STT3B: variants seen among roughly 807,000 people sequenced by gnomAD.
The protein encoded by STT3B is dolichyl-diphosphooligosaccharide--protein glycosyltransferase subunit STT3B.
Under a neutral mutation model 96.8 loss-of-function variants are expected in STT3B, and 29 were observed. The observed-to-expected ratio is 0.30, with a 90% CI of 0.22 to 0.41. The LOEUF is 0.41. STT3B is among the 10% of genes least tolerant of loss of function. The pLI is 1.00. For missense variants in STT3B, 640 were observed against 1,022.3 expected, an observed-to-expected ratio of 0.63 and a Z score of 5.10; for synonymous variants, 367 against 360.0, an observed-to-expected ratio of 1.02 and a Z score of -0.22.
intron 6 of STT3B, among the ~76,000 whole-genome samples, chr3:31,615,910 T>A (rs1575442710): frequency 1.3e-5 from 2 of 151,938 alleles, no homozygotes; most frequent in South Asian, 4.1e-4. Flanking sequence ...TTTTGTATCA[T>A]GTTTTGTACT....
rs751562865 is a variant in STT3B at position 31,623,683 on chromosome 3, G to C, written c.1549G>C (p.Val517Leu). ...QGNLYDKAGK[V>L]RKHATEQEKT... Reference sequence around the variant, plus strand: ...TTTTTAATATCTTTAGGCAGGTAAAGTGAGGAAACATGCAACTGAACAGGA... The same window carrying C: ...TTTTTAATATCTTTAGGCAGGTAAACTGAGGAAACATGCAACTGAACAGGA... The change falls in exon 11 of 16, where the codon GTG (valine) becomes CTG (leucine). Residue 517 changes from valine (V) to leucine (L), a missense_variant. Coordinates refer to ENST00000295770, the MANE Select transcript of STT3B (RefSeq NM_178862.3). The C allele has an allele frequency of 6.2e-7, 1 of 1,608,620 alleles. No homozygotes were observed. Among genetic ancestry groups the C allele is most frequent in the Non-Finnish European group, 8.5e-7 (1 of 1,176,438 alleles).
At chr3:31,543,428 C>T (rs1697328812) in intron 1 of STT3B, among the ~76,000 whole-genome samples, 1 of 152,164 alleles carries the variant, frequency 6.6e-6, no homozygotes. Flanking sequence ...GAACATTTTT[C>T]TAATCTTTCT....
rs1699745263 is a variant in STT3B at position 31,635,840 on chromosome 3, T to G, written c.2401-144T>G. 2.1e-5 allele frequency: 12 copies of G among 575,586 alleles called. No homozygotes were observed. The South Asian group carries it at 3.3e-4, about 16-fold the overall frequency. The allele number at this position is 575,586 out of a possible 1,614,324, so 35.7% of individuals were successfully genotyped here. ...AACACCACTAACAGTTTAGTGGTGT[T>G]CACTGAACTATTCAAGGAATCCAGT... is the stretch of plus-strand genomic sequence containing the variant. On this transcript the variant is annotated intron_variant, in intron 15 of 15. Transcript: ENST00000295770.
chr3:31,536,336 A>G (rs1349215940), intron 1 of STT3B, among the ~76,000 whole-genome samples: 4 of 152,200 alleles, frequency 2.6e-5, no homozygotes, highest in Admixed American at 1.3e-4. Context: ...TCACCATCAT[A>G]TCATATAGCA....
intron 1 of STT3B, among the ~76,000 whole-genome samples, chr3:31,551,736 AGAGT>A (rs2125440324): frequency 6.6e-6 from 1 of 152,372 alleles, no homozygotes; most frequent in South Asian, 2.1e-4. Context: ...TTTGAAGAAC[AGAGT>A]GATAGACAGA....
intron 11 of STT3B, among the ~76,000 whole-genome samples, chr3:31,624,088 G>T (rs577916399): frequency 2.0e-5 from 3 of 152,006 alleles, no homozygotes; most frequent in Admixed American, 6.6e-5. Context: ...TGTAAAATGG[G>T]GTTTCCATCC....
chr3:31,535,078 A>G (rs1007533557), intron 1 of STT3B, among the ~76,000 whole-genome samples: 1 of 152,104 alleles, frequency 6.6e-6, no homozygotes, highest in Non-Finnish European at 1.5e-5. Flanking sequence ...CATTTCAGGT[A>G]ACAAAATTGT....
intron 1 of STT3B, among the ~76,000 whole-genome samples, chr3:31,543,489 A>G (rs1235302923): frequency 6.6e-6 from 1 of 152,242 alleles, no homozygotes; most frequent in Non-Finnish European, 1.5e-5. Context: ...GTGAATATTA[A>G]GACAGATCCT....
intron 1 of STT3B, among the ~76,000 whole-genome samples, chr3:31,544,998 A>G (rs1575406027): frequency 6.6e-6 from 1 of 152,176 alleles, no homozygotes; most frequent in East Asian, 1.9e-4. Flanking sequence ...ACCTTGTTCC[A>G]TATAAGTTTA....
chr3:31,580,110 A>G lies in STT3B; in HGVS notation c.711+14A>G. 6.2e-7 allele frequency: 1 copy of G among 1,601,946 alleles called. No homozygotes were observed. The highest frequency in any genetic ancestry group is 1.8e-4 in the Middle Eastern group (1 of 5,652). On this transcript the variant is annotated intron_variant, in intron 3 of 15. Transcript: ENST00000295770. ...TACTATTTATGGGTAAGTGACATTT[A>G]ATGTTTTGCTGCCATTATTACTCGT... is the stretch of plus-strand genomic sequence containing the variant.
At chr3:31,599,061 G>A (rs746281340) in intron 4 of STT3B, among the ~76,000 whole-genome samples, 25 of 152,030 alleles carry the variant, frequency 1.6e-4, no homozygotes, top group Middle Eastern at 3.4e-3. Context: ...CGCCTGCCTC[G>A]GCCTCCCAAA....
intron 5 of STT3B, among the ~76,000 whole-genome samples, chr3:31,613,683 T>A (rs1245457154): frequency 4.6e-5 from 7 of 151,802 alleles, no homozygotes; most frequent in Non-Finnish European, 7.4e-5. Context: ...TTTTTCTCTC[T>A]CTTTCCTGCC....
chr3:31,549,152 G>A (rs945747026), intron 1 of STT3B, among the ~76,000 whole-genome samples: 4 of 152,076 alleles, frequency 2.6e-5, no homozygotes, highest in Non-Finnish European at 4.4e-5. Flanking sequence ...TACCAAAGTC[G>A]TAGAGATAAT....
chr3:31,585,871 CT>C (rs1559375835), intron 3 of STT3B, among the ~76,000 whole-genome samples: 1 of 152,052 alleles, frequency 6.6e-6, no homozygotes, highest in Non-Finnish European at 1.5e-5. Flanking sequence ...ACTACAATTT[CT>C]TTTCCAGTTT....
chr3:31,623,367 C>T (rs1017952156), intron 10 of STT3B, among the ~76,000 whole-genome samples: 1 of 152,118 alleles, frequency 6.6e-6, no homozygotes, highest in African/African-American at 2.4e-5. Flanking sequence ...AGAATGGGGT[C>T]ATTTGGTTAA....
At chr3:31,599,358 T>G (rs919153160) in intron 4 of STT3B, among the ~76,000 whole-genome samples, 3 of 152,224 alleles carry the variant, frequency 2.0e-5, no homozygotes, top group Non-Finnish European at 4.4e-5. Context: ...ATCAAACTTG[T>G]TCTCTTTCAA....
rs73824191 is a variant in STT3B, at chr3:31,577,745, T to C, written c.423+1241T>C. ...AGAGATGAAGGCACAATAGTCGTTA[T>C]CATGTTCTGCATTGTGAATTGGAGA... is the stretch of plus-strand genomic sequence containing the variant. On this transcript the variant is annotated intron_variant, in intron 2 of 15. Coordinates refer to ENST00000295770, the MANE Select transcript of STT3B (RefSeq NM_178862.3). Among the ~76,000 whole-genome samples, 1,386 of 152,260 alleles carry C rather than the reference T, an allele frequency of 9.1e-3. 25 individuals are homozygous for C. The highest frequency in any genetic ancestry group is 0.032 in the African/African-American group (1,330 of 41,564).
Position 31,592,271 on chromosome 3 carries a change from G to A in STT3B, c.712-4527G>A, listed in dbSNP as rs183178538. ...CATAATGTCTTCAAGGTTTATCCAT[G>A]TTGTAGCATGTCAGGATTTTCTTCC... On this transcript the variant is annotated intron_variant, in intron 3 of 15. Transcript: ENST00000295770. 1.2e-4 allele frequency among the ~76,000 whole-genome samples: 18 copies of A among 152,250 alleles called. No individual in the cohort carries two copies. In the East Asian group the frequency reaches 3.1e-3, roughly 26 times the overall value.
At chr3:31,541,708 C>CT (rs1697274456) in intron 1 of STT3B, among the ~76,000 whole-genome samples, 1 of 152,194 alleles carries the variant, frequency 6.6e-6, no homozygotes, top group East Asian at 1.9e-4. Flanking sequence ...TTCTGAGTAG[C>CT]TGGGACTACA....
Sources: gnomAD v4.1 joint callset for allele counts (sites outside exome capture counted in the v4.1 genomes callset) on GRCh38, gnomAD v4.1.1 for gene constraint, MANE v1.5 for transcripts, NCBI Gene and HGNC (gene_info 2026-07-23, HGNC 2026-07-21) for gene names.